Variants in DMD observed in about 807,000 individuals in gnomAD.
DMD encodes mutant dystrophin.
In DMD, 63 loss-of-function variants were observed where a neutral mutation model predicts 330.1. The observed-to-expected ratio is 0.19, with a 90% CI of 0.16 to 0.24. The LOEUF (loss-of-function observed/expected upper bound fraction) is 0.24, where lower values mean the gene tolerates loss of function less well. DMD is among the 10% of genes least tolerant of loss of function. DMD has a pLI of 1.00. For synonymous variants in DMD, 1,223 were observed against 959.8 expected, an observed-to-expected ratio of 1.27 and a Z score of -5.07; for missense variants, 3,344 against 2,684.1, an observed-to-expected ratio of 1.25 and a Z score of -5.43.
At chrX:32,862,991 C>T (rs755016641) in intron 2 of DMD, among the ~76,000 whole-genome samples, 6 of 110,674 alleles carry the variant, frequency 5.4e-5, no homozygotes, top group Non-Finnish European at 9.4e-5. Flanking sequence ...CCTGCCTCAG[C>T]CTCCCAAAGT....
chrX:32,184,558 T>C, intron 44 of DMD, among the ~76,000 whole-genome samples: 1 of 111,117 alleles, frequency 9.0e-6, no homozygotes, highest in Non-Finnish European at 1.9e-5. Context: ...TACATGATGA[T>C]TGCTTACCAA....
At chrX:32,698,080 G>A in intron 8 of DMD, 82 bp from the exon 9 acceptor site, 2 of 983,422 alleles carry the variant, frequency 2.0e-6, no homozygotes, top group Non-Finnish European at 2.8e-6. Context: ...TTCCAACATG[G>A]TAGAAAACAG....
At chrX:31,646,787 G>C (rs747663673) in intron 54 of DMD, among the ~76,000 whole-genome samples, 3 of 111,970 alleles carry the variant, frequency 2.7e-5, no homozygotes, top group Non-Finnish European at 5.6e-5. Context: ...TCTCTAAAGG[G>C]CCATGCAATT....
intron 64 of DMD, among the ~76,000 whole-genome samples, chrX:31,222,334 G>C (rs1243458052): frequency 6.9e-5 from 6 of 87,489 alleles, no homozygotes; most frequent in African/African-American, 2.8e-4. Flanking sequence ...GTTGCAGTGA[G>C]CCCATATTGC....
At position 33,115,657 on chromosome X, in the gene DMD, G is replaced by A. The variant is rs2095377095; in HGVS notation, c.32-95457C>T. Among the ~76,000 whole-genome samples the A allele has an allele frequency of 3.7e-5, 4 of 107,618 alleles. No individual in the cohort carries two copies. The South Asian group carries it at 1.7e-3, about 45-fold the overall frequency. 93.5% of individuals were successfully genotyped at this position (107,618 alleles called of 115,157 possible). ...CTCCTGAGTAGCTGGGACTACAGGC[G>A]CCCGCAACCACGCCCGGCTAATTTT... On this transcript the variant is annotated intron_variant, in intron 1 of 78. Transcript: ENST00000357033.
At chrX:31,341,656 G>A (rs913583865) in intron 61 of DMD, among the ~76,000 whole-genome samples, 1 of 111,112 alleles carries the variant, frequency 9.0e-6, no homozygotes, top group African/African-American at 3.3e-5. Context: ...TCTTCTTAAC[G>A]GGTAAGGCAG....
At chrX:31,695,073 C>T (rs984841784) in intron 52 of DMD, among the ~76,000 whole-genome samples, 14 of 110,732 alleles carry the variant, frequency 1.3e-4, no homozygotes, top group Admixed American at 2.9e-4. Flanking sequence ...ATAAATGATG[C>T]GGTACTATTT....
At chrX:31,370,949 A>G (rs2059532458) in intron 60 of DMD, among the ~76,000 whole-genome samples, 1 of 112,329 alleles carries the variant, frequency 8.9e-6, no homozygotes, top group Non-Finnish European at 1.9e-5. Flanking sequence ...GTATGGTTCC[A>G]TTCATATAAC....
intron 44 of DMD, among the ~76,000 whole-genome samples, chrX:32,196,006 T>C (rs775486384): frequency 8.9e-6 from 1 of 112,334 alleles, no homozygotes; most frequent in South Asian, 3.7e-4. Flanking sequence ...TCTGCTGGCC[T>C]GTGGTTAGGG....
At chrX:32,759,494 G>A (rs914317192) in intron 7 of DMD, among the ~76,000 whole-genome samples, 10 of 110,730 alleles carry the variant, frequency 9.0e-5, no homozygotes, top group African/African-American at 2.6e-4. Context: ...AGCAATATGC[G>A]GCACACCTGG....
At position 32,472,220 on chromosome X, in the gene DMD, G is replaced by A. The variant is rs1431281003; in HGVS notation, c.2893C>T (p.Pro965Ser). ...VQQSETKLSI[P>S]QLSVTDYEIM... ...TCATAGTCGGTGACACTAAGTTGAG[G>A]TATGGAGAGTTTGGTTTCTGACTGC... The change falls in exon 22 of 79, where the codon CCT becomes TCT. Residue 965 changes from proline (P) to serine (S), a missense_variant. Physicochemically the swap from Pro to Ser is moderately conservative, Grantham distance 74 (BLOSUM62 -1). Transcript: ENST00000357033. The A allele has an allele frequency of 3.3e-6, 4 of 1,208,980 alleles. No homozygotes were observed. The highest frequency in any genetic ancestry group is 1.8e-5 in the African/African-American group (1 of 57,000).
chrX:32,346,576 C>G (rs1334313543), intron 38 of DMD, among the ~76,000 whole-genome samples: 1 of 111,361 alleles, frequency 9.0e-6, no homozygotes, highest in African/African-American at 3.3e-5. Flanking sequence ...TATCTAATAA[C>G]TCCTGCTTCA....
chrX:31,240,695 C>T (rs2048174209), intron 63 of DMD, among the ~76,000 whole-genome samples: 1 of 111,140 alleles, frequency 9.0e-6, no homozygotes, highest in Non-Finnish European at 1.9e-5. Flanking sequence ...CCTATGTTTG[C>T]AATAAATAAC....
chrX:33,224,308 T>C (rs1029949152), intron 1 of DMD, among the ~76,000 whole-genome samples: 2 of 112,353 alleles, frequency 1.8e-5, no homozygotes, highest in African/African-American at 6.4e-5. Context: ...TTATTCATAA[T>C]TGCCTGAACT....
At chrX:32,697,551 A>G (rs1310900600) in intron 9 of DMD, among the ~76,000 whole-genome samples, 1 of 112,118 alleles carries the variant, frequency 8.9e-6, no homozygotes, top group Non-Finnish European at 1.9e-5. Context: ...GAAGTTACAT[A>G]TATAAAACTT....
intron 9 of DMD, among the ~76,000 whole-genome samples, chrX:32,673,886 T>C (rs1569439335): frequency 8.9e-6 from 1 of 111,841 alleles, no homozygotes; most frequent in Non-Finnish European, 1.9e-5. Context: ...GGTCATGGAA[T>C]TGATAAGAAC....
chrX:31,969,783 C>A (rs1455961412), intron 44 of DMD, among the ~76,000 whole-genome samples: 1 of 111,652 alleles, frequency 9.0e-6, no homozygotes, highest in African/African-American at 3.3e-5. Context: ...ATCAGCAAAC[C>A]GGTGACACGG....
At position 31,831,858 on chromosome X, in the gene DMD, T is replaced by C. The variant is rs938283316; in HGVS notation, c.7200+4860A>G. Among the ~76,000 whole-genome samples the C allele has an allele frequency of 2.9e-4, 33 of 112,567 alleles. 1 individual carries two copies. The highest frequency in any genetic ancestry group is 1.5e-3 in the South Asian group (4 of 2,698). ...ACTTTGTGATCCGCCCACCTTGGCC[T>C]CCCAAAGTGCTGGTATTACAGGCGC... is the stretch of plus-strand genomic sequence containing the variant. On this transcript the variant is annotated intron_variant, in intron 49 of 78. Transcript: ENST00000357033.
chrX:31,796,040 T>C (rs952980156), intron 50 of DMD, among the ~76,000 whole-genome samples: 1 of 111,965 alleles, frequency 8.9e-6, no homozygotes, highest in Non-Finnish European at 1.9e-5. Flanking sequence ...GACTAGTAGG[T>C]ACCAAATCCA....
Sources: allele counts gnomAD v4.1 joint callset (sites outside exome capture counted in the v4.1 genomes callset), GRCh38; gene constraint gnomAD v4.1.1; transcripts MANE v1.5; gene names NCBI Gene and HGNC (gene_info 2026-07-23, HGNC 2026-07-21).